The following BIRC6 variants were observed in gnomAD, a reference collection of about 807,000 sequenced individuals.
BIRC6 encodes the protein baculoviral IAP repeat containing 6, also known as dual E2 ubiquitin-conjugating enzyme/E3 ubiquitin-protein ligase BIRC6.
A neutral mutation model predicts 503.3 loss-of-function variants in BIRC6; 98 were observed. The observed-to-expected ratio is 0.19, with a 90% CI of 0.17 to 0.23. The LOEUF is 0.23. Ranked by LOEUF, BIRC6 falls within the 10% of genes least tolerant of loss-of-function variation. The pLI, the probability that BIRC6 is intolerant of heterozygous loss-of-function variation, is 1.00. For synonymous variants in BIRC6, 2,240 were observed against 2,078.7 expected (o/e 1.08, Z -2.11); for missense variants, 5,360 against 5,806.0 (o/e 0.92, Z 2.50).
chr2:32,461,208 A>C (rs35783132), intron 23 of BIRC6, among the ~76,000 whole-genome samples: 11,309 of 11,310 alleles, frequency 1, 5,654 homozygotes, highest in Middle Eastern at 1. Flanking sequence ...CCTTTTTTCT[A>C]ACTCCATCAC....
At chr2:32,400,336 C>CTTTT (rs746431747) in intron 6 of BIRC6, among the ~76,000 whole-genome samples, 17 of 118,326 alleles carry the variant, frequency 1.4e-4, no homozygotes, top group South Asian at 2.6e-4. Context: ...GCTTTCAGAT[C>CTTTT]TTTTTTTTTT....
At chr2:32,491,052 C>G (rs564991950) in intron 43 of BIRC6, among the ~76,000 whole-genome samples, 1 of 152,262 alleles carries the variant, frequency 6.6e-6, no homozygotes, top group East Asian at 1.9e-4. Flanking sequence ...TTTGCTACAA[C>G]TTATTTTAGA....
chr2:32,410,861 C>T (rs189382868), intron 9 of BIRC6, among the ~76,000 whole-genome samples: 34 of 151,910 alleles, frequency 2.2e-4, no homozygotes, highest in African/African-American at 4.6e-4. Context: ...CCAGCACGCC[C>T]GGCTAAATTT....
chr2:32,369,185 T>C (rs936904801), intron 1 of BIRC6, among the ~76,000 whole-genome samples: 1 of 152,178 alleles, frequency 6.6e-6, no homozygotes, highest in African/African-American at 2.4e-5. Context: ...TAGATTTTCA[T>C]ATTTGGATGG....
chr2:32,380,238 A>G lies in BIRC6; in HGVS notation c.593A>G (p.Asp198Gly). ...GATTTGTTCATCACACAGCTCAAAG[A>G]TGGTTTAAAAAATACATCTCATGAG... The part of the protein sequence containing the change: ...GYDLFITQLK[D>G]GLKNTSHETA... Residue 198 changes from aspartate (D) to glycine (G), a missense_variant, in exon 3 of 74, where the codon GAT becomes GGT. Asp to Gly is a moderately conservative substitution (Grantham distance 94). Transcript: ENST00000421745. The G allele has an allele frequency of 6.2e-7, 1 of 1,610,056 alleles. No homozygotes were observed. The highest frequency in any genetic ancestry group is 8.5e-7 in the Non-Finnish European group (1 of 1,178,838).
At chr2:32,419,684 A>C (rs2042739136) in intron 10 of BIRC6, among the ~76,000 whole-genome samples, 1 of 152,200 alleles carries the variant, frequency 6.6e-6, no homozygotes, top group South Asian at 2.1e-4. Flanking sequence ...ATATCATGAA[A>C]TATAACAATA....
chr2:32,416,106 A>C lies in BIRC6; in HGVS notation c.2815A>C (p.Thr939Pro). 1 of 1,613,538 alleles carries C rather than the reference A, an allele frequency of 6.2e-7. No individual in the cohort carries two copies. The highest frequency in any genetic ancestry group is 8.5e-7 in the Non-Finnish European group (1 of 1,179,714). The change falls in exon 10 of 74, where the codon ACA becomes CCA. Residue 939 changes from threonine (T) to proline (P), a missense_variant. This residue lies in a region of BIRC6 where 700 missense variants were observed against 739.3 expected (regional missense o/e 0.95). Transcript: ENST00000421745. ...PKKEGTEEQD[T>P]FVSVIYCSGT... ...AAAGGAGGGCACTGAGGAACAGGAC[A>C]CATTTGTTTCTGTGATTTACTGTTC...
Position 32,509,851 on chromosome 2 carries a change from T to G in BIRC6, c.10094T>G (p.Leu3365Ter). The G allele has an allele frequency of 6.2e-7, 1 of 1,614,012 alleles. No homozygotes were observed. The highest frequency in any genetic ancestry group is 8.5e-7 in the Non-Finnish European group (1 of 1,179,884). ...AATCTGCTGCAGACTTGTGCGGCCTTATTGATGTCACCTTACTGTGGAATG... is the reference window on the plus strand; with the variant it reads ...AATCTGCTGCAGACTTGTGCGGCCTGATTGATGTCACCTTACTGTGGAATG... ...TANLLQTCAA[L>*]LMSPYCGMHS... is the part of the protein sequence containing the mutation. The change falls in exon 52 of 74, where the codon TTA (leucine) becomes TGA (stop). Residue 3365 changes from leucine to a stop codon, truncating the protein, a stop_gained. Coordinates refer to ENST00000421745, the MANE Select transcript of BIRC6 (RefSeq NM_016252.4). LOFTEE classifies it high-confidence loss of function.
intron 66 of BIRC6, 66 bp from the exon 67 acceptor site, chr2:32,593,849 A>G (rs1054497051): frequency 1.5e-6 from 2 of 1,342,750 alleles, no homozygotes; most frequent in Non-Finnish European, 2.1e-6. Flanking sequence ...ATATTGATTT[A>G]TGGAGGTGTT....
chr2:32,595,474 T>C (rs77768507), intron 68 of BIRC6, among the ~76,000 whole-genome samples: 5,053 of 152,340 alleles, frequency 0.033, 115 homozygotes, highest in Non-Finnish European at 0.048. Context: ...CCCAGAACTT[T>C]GAACTAAGTC....
intron 66 of BIRC6, among the ~76,000 whole-genome samples, chr2:32,587,977 A>C (rs1383928233): frequency 6.6e-6 from 1 of 152,172 alleles, no homozygotes; most frequent in Non-Finnish European, 1.5e-5. Flanking sequence ...TTATCTCTCT[A>C]GTATGAGCAG....
At chr2:32,381,695 G>T (rs1055019582) in intron 3 of BIRC6, among the ~76,000 whole-genome samples, 8 of 151,944 alleles carry the variant, frequency 5.3e-5, no homozygotes. Flanking sequence ...ATAGGCACAC[G>T]CCACCATGCC....
At chr2:32,448,496 C>T (rs566568514) in intron 21 of BIRC6, among the ~76,000 whole-genome samples, 5 of 152,242 alleles carry the variant, frequency 3.3e-5, no homozygotes, top group African/African-American at 9.6e-5. Context: ...CAAAAAAAAC[C>T]GAAAACCAGT....
intron 61 of BIRC6, among the ~76,000 whole-genome samples, chr2:32,536,439 G>T (rs1015991126): frequency 3.2e-4 from 49 of 152,226 alleles, no homozygotes; most frequent in East Asian, 1.9e-4. Context: ...TATGGTTTTA[G>T]GTCTAACATT....
chr2:32,397,332 C>T (rs1050768181), intron 6 of BIRC6, among the ~76,000 whole-genome samples: 12 of 151,706 alleles, frequency 7.9e-5, no homozygotes, highest in African/African-American at 1.9e-4. Context: ...ATTATCTGGG[C>T]GTGGTGGTGT....
intron 39 of BIRC6, among the ~76,000 whole-genome samples, chr2:32,484,350 G>A (rs2050751269): frequency 6.6e-6 from 1 of 151,952 alleles, no homozygotes; most frequent in Non-Finnish European, 1.5e-5. Flanking sequence ...TCAAGAGTTC[G>A]AGACCAGCCT....
intron 23 of BIRC6, among the ~76,000 whole-genome samples, chr2:32,461,344 G>GT (rs1491325143): frequency 7.4e-5 from 3 of 40,486 alleles, no homozygotes; most frequent in Non-Finnish European, 1.4e-4. Context: ...TGCCTGGCTA[G>GT]TGTGTGTGTG....
At chr2:32,364,715 A>G (rs2034629253) in intron 1 of BIRC6, among the ~76,000 whole-genome samples, 1 of 149,386 alleles carries the variant, frequency 6.7e-6, no homozygotes, top group Non-Finnish European at 1.5e-5. Flanking sequence ...TAAGAGGAAG[A>G]TCTTTGTACT....
At chr2:32,412,841 A>T (rs2042032923) in intron 9 of BIRC6, among the ~76,000 whole-genome samples, 1 of 152,176 alleles carries the variant, frequency 6.6e-6, no homozygotes, top group African/African-American at 2.4e-5. Context: ...ACAGATGCAT[A>T]AGTAGTATTC....
Sources: allele counts gnomAD v4.1 joint callset (sites outside exome capture counted in the v4.1 genomes callset), GRCh38; gene constraint gnomAD v4.1.1; regional missense constraint gnomAD v4.1.1; transcripts MANE v1.5; gene names NCBI Gene and HGNC (gene_info 2026-07-23, HGNC 2026-07-21).